The following NUBP1 variants were observed in gnomAD, a reference collection of about 807,000 sequenced individuals.
NUBP1 encodes cytosolic Fe-S cluster assembly factor NUBP1.
Under a neutral mutation model 41.8 loss-of-function variants are expected in NUBP1, and 46 were observed. The ratio of observed to expected loss-of-function variants is 1.10; its 90% CI spans 0.87 to 1.41. NUBP1 has a LOEUF of 1.41. Among genes scored for constraint, NUBP1 ranks in the 40% most tolerant of loss-of-function variants. The probability of loss-of-function intolerance (pLI) is 0.00; values close to 1 mark genes in which losing one functional copy is unlikely to be tolerated. For missense variants in NUBP1, 494 were observed against 414.0 expected, an observed-to-expected ratio of 1.19 and a Z score of -1.68; for synonymous variants, 189 against 154.6, an observed-to-expected ratio of 1.22 and a Z score of -1.65.
At chr16:10,748,371 G>A (rs1596450242) in intron 3 of NUBP1, among the ~76,000 whole-genome samples, 1 of 152,060 alleles carries the variant, frequency 6.6e-6, no homozygotes, top group Non-Finnish European at 1.5e-5. Flanking sequence ...GCCCTTACAC[G>A]AGTTTATTCA....
In NUBP1 at chr16:10,767,987, GC is replaced by G. The variant is rs2031151656; in HGVS notation, c.863del (p.Pro288GlnfsTer7). The G allele has an allele frequency of 1.9e-6, 3 of 1,613,720 alleles. No individual in the cohort carries two copies. Among genetic ancestry groups the G allele is most frequent in the Non-Finnish European group, 2.5e-6 (3 of 1,179,976 alleles). On this transcript the variant is annotated frameshift_variant, in exon 10 of 11. Coordinates refer to ENST00000283027, the MANE Select transcript of NUBP1 (RefSeq NM_002484.4). LOFTEE classifies it low-confidence loss of function (END_TRUNC). The surrounding 1 kb of genome is among the most constrained non-coding windows in gnomAD (Gnocchi z 4.6). The stretch of plus-strand genomic sequence containing the variant: ...CAAAGGCCAGTCTTTTTTCATTGAC[GC>G]CCCAGATTCCCCAGCCACGTTAGCC... ...CDKGQSFFID[A>X]PDSPATLAYR...
At chr16:10,752,721 C>G (rs761496305) in intron 4 of NUBP1, 43 bp downstream of exon 4, 3 of 1,518,222 alleles carry the variant, frequency 2.0e-6, no homozygotes, top group East Asian at 2.3e-5. Flanking sequence ...TCTCTTAAGG[C>G]AAACTCTGTA....
Position 10,757,966 on chromosome 16 carries a change from C to A in NUBP1, c.545C>A (p.Ser182Ter). 1 of 1,614,096 alleles carries A rather than the reference C, an allele frequency of 6.2e-7. No homozygotes were observed. Among genetic ancestry groups the A allele is most frequent in the Non-Finnish European group, 8.5e-7 (1 of 1,180,010 alleles). Residue 182 changes from serine (S) to a stop codon, truncating the protein, a stop_gained, in exon 7 of 11, where the codon TCG becomes TAG. Transcript: ENST00000283027. LOFTEE classifies it high-confidence loss of function. The surrounding 1 kb of genome is among the most constrained non-coding windows in gnomAD (Gnocchi z 4.1). ...TPPGTSDEHL[S>*]VVRYLATAHI... ...CCTGGGACGTCGGATGAACACCTCT[C>A]GGTCGTCCGGTACCTGGCCACAGCA...
intron 7 of NUBP1, among the ~76,000 whole-genome samples, chr16:10,760,454 G>A (rs1475879540): frequency 6.6e-6 from 1 of 152,218 alleles, no homozygotes; most frequent in Admixed American, 6.5e-5. Flanking sequence ...TGCGTTAAAA[G>A]GTCATTTTCA....
At chr16:10,758,720 A>G (rs991800875) in intron 7 of NUBP1, among the ~76,000 whole-genome samples, 14 of 152,164 alleles carry the variant, frequency 9.2e-5, no homozygotes, top group Non-Finnish European at 2.1e-4. Flanking sequence ...TTCCGTTTAC[A>G]TCCCAGGATG....
In NUBP1 at chr16:10,759,296, C is replaced by T. The variant is rs1023257925; in HGVS notation, c.606+1269C>T. Among the ~76,000 whole-genome samples the T allele has an allele frequency of 2.6e-5, 4 of 152,078 alleles. No homozygotes were observed. The highest frequency in any genetic ancestry group is 5.9e-5 in the Non-Finnish European group (4 of 68,016). ...GCCCAGCGGCCATGGGAAGGGTGTCCGGGTCAGAAAATGGTGCAAGATTCA... is the reference window on the plus strand; with the variant it reads ...GCCCAGCGGCCATGGGAAGGGTGTCTGGGTCAGAAAATGGTGCAAGATTCA... On this transcript the variant is annotated intron_variant, in intron 7 of 10. Transcript: ENST00000283027. This position sits in a 1 kb window ranked among gnomAD's most constrained non-coding sequence, Gnocchi z 4.7.
chr16:10,767,198 C>G lies in NUBP1; in HGVS notation c.821-751C>G, dbSNP rs935830312. The G allele has an allele frequency of 2.2e-5, 9 of 400,026 alleles. No individual in the cohort carries two copies. The highest frequency in any genetic ancestry group is 1.8e-4 in the African/African-American group (9 of 48,682). 24.8% of individuals were successfully genotyped at this position (400,026 alleles called of 1,614,324 possible). On this transcript the variant is annotated intron_variant, in intron 9 of 10. Coordinates refer to ENST00000283027, the MANE Select transcript of NUBP1 (RefSeq NM_002484.4). The surrounding 1 kb of genome is among the most constrained non-coding windows in gnomAD (Gnocchi z 4.6). ...AAGCTGATGGCAGGTCCACCCACGACTGGGGGCTGGCAGGGCAGACTGGAG... is the reference window on the plus strand; with the variant it reads ...AAGCTGATGGCAGGTCCACCCACGAGTGGGGGCTGGCAGGGCAGACTGGAG...
Position 10,766,729 on chromosome 16 carries a change from G to T in NUBP1, c.821-1220G>T, listed in dbSNP as rs947225915. Reference sequence around the variant, plus strand: ...AATGAAAGTCAACTCCACGGTGTGGGAGGAGAACGGGCCTGAGAATAGGGG... The same window carrying T: ...AATGAAAGTCAACTCCACGGTGTGGTAGGAGAACGGGCCTGAGAATAGGGG... On this transcript the variant is annotated intron_variant, in intron 9 of 10. Transcript: ENST00000283027. The surrounding 1 kb of genome is among the most constrained non-coding windows in gnomAD (Gnocchi z 4.8). 28 of 392,450 alleles carry T rather than the reference G, an allele frequency of 7.1e-5. No homozygotes were observed. The highest frequency in any genetic ancestry group is 5.2e-4 in the African/African-American group (25 of 48,508). 24.3% of individuals were successfully genotyped at this position (392,450 alleles called of 1,614,324 possible).
intron 2 of NUBP1, among the ~76,000 whole-genome samples, chr16:10,746,798 T>A (rs1900082976): frequency 6.6e-6 from 1 of 152,148 alleles, no homozygotes; most frequent in Non-Finnish European, 1.5e-5. Context: ...TCTGGGGGAT[T>A]TTGTCCCCAA....
intron 4 of NUBP1, among the ~76,000 whole-genome samples, chr16:10,754,368 G>A (rs1900459783): frequency 6.6e-6 from 1 of 151,964 alleles, no homozygotes; most frequent in African/African-American, 2.4e-5. Flanking sequence ...TCAGCCTCCT[G>A]AATAGCTGGC....
rs766701906 is a variant in NUBP1, at chr16:10,767,342, C to T, written c.821-607C>T. 1.0e-5 allele frequency: 4 copies of T among 399,392 alleles called. No individual in the cohort carries two copies. The highest frequency in any genetic ancestry group is 3.6e-5 in the East Asian group (1 of 28,096). The allele number at this position is 399,392 out of a possible 1,614,324, so 24.7% of individuals were successfully genotyped here. Reference sequence around the variant, plus strand: ...GGGGACTGGAACAATGGCCACATGGCGGGGAAAGACTAGCAGACTGATAGA... The same window carrying T: ...GGGGACTGGAACAATGGCCACATGGTGGGGAAAGACTAGCAGACTGATAGA... On this transcript the variant is annotated intron_variant, in intron 9 of 10. Transcript: ENST00000283027. The surrounding 1 kb of genome is among the most constrained non-coding windows in gnomAD (Gnocchi z 4.6).
intron 2 of NUBP1, 36 bp downstream of exon 2, chr16:10,744,101 G>A (rs1355817446): frequency 4.6e-6 from 7 of 1,505,504 alleles, no homozygotes; most frequent in South Asian, 3.9e-5. Flanking sequence ...GGAACTTAGA[G>A]GCGCAGGCCC....
chr16:10,756,866 C>G lies in NUBP1; in HGVS notation c.451+86C>G. 5.7e-6 allele frequency: 6 copies of G among 1,044,566 alleles called. No individual in the cohort carries two copies. In the South Asian group the frequency reaches 7.8e-5, roughly 14 times the overall value. The allele number at this position is 1,044,566 out of a possible 1,614,324, so 64.7% of individuals were successfully genotyped here. On this transcript the variant is annotated intron_variant, in intron 6 of 10. Coordinates refer to ENST00000283027, the MANE Select transcript of NUBP1 (RefSeq NM_002484.4). ...TTTATCTGCTCCCTGTCCTGCCAGT[C>G]TCAGCCTGCTGGACTTCACAGTATA... is the stretch of plus-strand genomic sequence containing the variant.
At position 10,756,744 on chromosome 16, in the gene NUBP1, G is replaced by A. The variant is rs1900586064; in HGVS notation, c.415G>A (p.Asp139Asn). 1 of 1,589,526 alleles carries A rather than the reference G, an allele frequency of 6.3e-7. No homozygotes were observed. Among genetic ancestry groups the A allele is most frequent in the Non-Finnish European group, 8.5e-7 (1 of 1,170,808 alleles). ...MSVGFLLSSP[D>N]DAVIWRGPKK... ...AGTGGGCTTCCTGCTCAGCAGTCCT[G>A]ATGATGCTGTTATCTGGAGGGGACC... is the stretch of plus-strand genomic sequence containing the variant. The change falls in exon 6 of 11, where the codon GAT (aspartate) becomes AAT (asparagine). Residue 139 changes from aspartate to asparagine, a missense_variant. Coordinates refer to ENST00000283027, the MANE Select transcript of NUBP1 (RefSeq NM_002484.4).
intron 2 of NUBP1, among the ~76,000 whole-genome samples, chr16:10,744,578 G>C (rs1478002983): frequency 2.0e-5 from 3 of 152,160 alleles, no homozygotes; most frequent in Non-Finnish European, 4.4e-5. Flanking sequence ...TGGGGATCAG[G>C]CGTGGTCACT....
At position 10,767,692 on chromosome 16, in the gene NUBP1, C is replaced by T. The variant is rs62026460; in HGVS notation, c.821-257C>T. On this transcript the variant is annotated intron_variant, in intron 9 of 10. Transcript: ENST00000283027. The surrounding 1 kb of genome is among the most constrained non-coding windows in gnomAD (Gnocchi z 4.6). ...TGGGCCCATGTGGAAGCTGCTGAAT[C>T]AGTTCTCTGTAGGGCCCTGGAACCT... 1.9e-6 allele frequency: 1 copy of T among 521,256 alleles called. No individual in the cohort carries two copies. The highest frequency in any genetic ancestry group is 3.2e-5 in the East Asian group (1 of 31,368). 32.3% of individuals were successfully genotyped at this position (521,256 alleles called of 1,614,324 possible). A position where few individuals can be genotyped will look rare whatever the true frequency, so the allele number is the denominator to read the frequency against.
intron 7 of NUBP1, among the ~76,000 whole-genome samples, chr16:10,760,394 T>A (rs936249079): frequency 3.3e-5 from 5 of 152,228 alleles, no homozygotes; most frequent in Non-Finnish European, 7.3e-5. Context: ...TAGAAAACAG[T>A]GCACACACTG....
chr16:10,762,613 G>A (rs976421140), intron 9 of NUBP1, among the ~76,000 whole-genome samples: 4 of 152,344 alleles, frequency 2.6e-5, no homozygotes, highest in African/African-American at 7.2e-5. Context: ...TCCAGCACTC[G>A]CCTTTAGGTC....
chr16:10,757,692 G>A lies in NUBP1; in HGVS notation c.452-181G>A, dbSNP rs544554005. 6.6e-6 allele frequency among the ~76,000 whole-genome samples: 1 copy of A among 152,290 alleles called. No homozygotes were observed. Among genetic ancestry groups the A allele is most frequent in the South Asian group, 2.1e-4 (1 of 4,816 alleles). On this transcript the variant is annotated intron_variant, in intron 6 of 10. Coordinates refer to ENST00000283027, the MANE Select transcript of NUBP1 (RefSeq NM_002484.4). This position sits in a 1 kb window ranked among gnomAD's most constrained non-coding sequence, Gnocchi z 4.1. ...CATGCTTCTCCGTGAGCTGGGCACA[G>A]TGGCACGCACTTATAGTCCTAGTTA...
Sources: allele counts gnomAD v4.1 joint callset (sites outside exome capture counted in the v4.1 genomes callset), GRCh38; gene constraint gnomAD v4.1.1; non-coding constraint Gnocchi (gnomAD v3.1); transcripts MANE v1.5; gene names NCBI Gene and HGNC (gene_info 2026-07-23, HGNC 2026-07-21).